SLC35F3: variants seen among roughly 807,000 people sequenced by gnomAD.
The protein encoded by SLC35F3 is solute carrier family 35 member F3.
SLC35F3 carries 25 observed loss-of-function variants against 49.9 expected under a neutral mutation model. That is an observed-to-expected ratio of 0.50 (90% CI 0.37 to 0.70). The LOEUF (loss-of-function observed/expected upper bound fraction) is 0.70. Ranked by LOEUF, SLC35F3 falls within the 30% of genes least tolerant of loss-of-function variation. The pLI is 0.00. For synonymous variants in SLC35F3, 275 were observed against 265.4 expected (o/e 1.04, Z -0.35); for missense variants, 525 against 639.8 (o/e 0.82, Z 1.94).
At position 234,270,942 on chromosome 1, in the gene SLC35F3, G is replaced by A. The variant is rs965335330; in HGVS notation, c.609-38159G>A. 1.2e-4 allele frequency among the ~76,000 whole-genome samples: 19 copies of A among 152,306 alleles called. 1 individual carries two copies. The highest frequency in any genetic ancestry group is 4.1e-4 in the South Asian group (2 of 4,826). On this transcript the variant is annotated intron_variant, in intron 3 of 7. Coordinates refer to ENST00000366618, the MANE Select transcript of SLC35F3 (RefSeq NM_173508.4). The stretch of plus-strand genomic sequence containing the variant: ...TAGTGTTGACCAGTGCCAATTCTAT[G>A]CATGTTGTGATATGGGAAAACATGG...
chr1:234,210,663 G>T (rs1226989425), intron 2 of SLC35F3, among the ~76,000 whole-genome samples: 1 of 152,210 alleles, frequency 6.6e-6, no homozygotes. Context: ...AAGCAGCAAA[G>T]CATTCAACAG....
At chr1:234,126,467 CCT>C (rs1166328072) in intron 2 of SLC35F3, among the ~76,000 whole-genome samples, 4 of 78,716 alleles carry the variant, frequency 5.1e-5, no homozygotes, top group Non-Finnish European at 8.4e-5. Context: ...CTGATCTGCC[CCT>C]GTTTTACATG....
At position 234,163,409 on chromosome 1, in the gene SLC35F3, C is replaced by T. The variant is rs142383163; in HGVS notation, c.284-68008C>T. Among the ~76,000 whole-genome samples, 222 of 152,102 alleles carry T rather than the reference C, an allele frequency of 1.5e-3. 1 individual carries two copies. Among genetic ancestry groups the T allele is most frequent in the African/African-American group, 5.1e-3 (210 of 41,492 alleles). On this transcript the variant is annotated intron_variant, in intron 2 of 7. Transcript: ENST00000366618. ...ACACACAGAATGGGACAGAGGAAGGCGGAGACAAAGACAGACGTCCTGTAG... is the reference window on the plus strand; with the variant it reads ...ACACACAGAATGGGACAGAGGAAGGTGGAGACAAAGACAGACGTCCTGTAG...
At chr1:234,121,829 T>G (rs1253269016) in intron 2 of SLC35F3, among the ~76,000 whole-genome samples, 1 of 152,206 alleles carries the variant, frequency 6.6e-6, no homozygotes, top group Non-Finnish European at 1.5e-5. Flanking sequence ...TTTTCTGTCC[T>G]TATGATAGTT....
chr1:233,940,997 T>A (rs531319898), intron 2 of SLC35F3, among the ~76,000 whole-genome samples: 3 of 152,330 alleles, frequency 2.0e-5, no homozygotes, highest in African/African-American at 7.2e-5. Context: ...CATAAACTTA[T>A]TTTTCATTAT....
rs948892155 is a variant in SLC35F3 at position 234,087,730 on chromosome 1, A to G, written c.284-143687A>G. On this transcript the variant is annotated intron_variant, in intron 2 of 7. Coordinates refer to ENST00000366618, the MANE Select transcript of SLC35F3 (RefSeq NM_173508.4). Reference sequence around the variant, plus strand: ...CCCAGAAACAAATTCAAGGTCCTTAAATGTGAAGTCCCGGGTGGTCTAACC... The same window carrying G: ...CCCAGAAACAAATTCAAGGTCCTTAGATGTGAAGTCCCGGGTGGTCTAACC... Among the ~76,000 whole-genome samples, 2 of 152,258 alleles carry G rather than the reference A, an allele frequency of 1.3e-5. 1 individual carries two copies. Among genetic ancestry groups the G allele is most frequent in the Admixed American group, 1.3e-4 (2 of 15,294 alleles).
intron 3 of SLC35F3, among the ~76,000 whole-genome samples, chr1:234,249,844 A>T (rs1026085159): frequency 6.6e-6 from 1 of 152,230 alleles, no homozygotes; most frequent in African/African-American, 2.4e-5. Context: ...CATCCCCCGA[A>T]GTGTGTTCCA....
At chr1:234,226,331 G>A (rs1417429867) in intron 2 of SLC35F3, among the ~76,000 whole-genome samples, 3 of 151,880 alleles carry the variant, frequency 2.0e-5, no homozygotes, top group Non-Finnish European at 2.9e-5. Flanking sequence ...CCCCGCTCTG[G>A]GTCCCTTACC....
intron 2 of SLC35F3, among the ~76,000 whole-genome samples, chr1:234,057,097 CCTT>C (rs1664468915): frequency 6.6e-6 from 1 of 152,058 alleles, no homozygotes; most frequent in South Asian, 2.1e-4. Flanking sequence ...AAGTGTGACT[CCTT>C]CTATTTTGCT....
chr1:234,261,357 G>A (rs575929915), intron 3 of SLC35F3, among the ~76,000 whole-genome samples: 1 of 152,292 alleles, frequency 6.6e-6, no homozygotes, highest in Non-Finnish European at 1.5e-5. Context: ...CTGGGAAAGG[G>A]GCAGGGAATT....
chr1:234,250,555 G>A (rs2102962837), intron 3 of SLC35F3, among the ~76,000 whole-genome samples: 1 of 150,760 alleles, frequency 6.6e-6, no homozygotes, highest in South Asian at 2.1e-4. Context: ...TTGGGAGGCT[G>A]AGGCAGGAGA....
At chr1:234,132,573 C>A (rs1029087362) in intron 2 of SLC35F3, among the ~76,000 whole-genome samples, 2 of 152,150 alleles carry the variant, frequency 1.3e-5, no homozygotes, top group Admixed American at 6.5e-5. Context: ...TCAAAAGAAA[C>A]ATTGTGTATT....
intron 2 of SLC35F3, among the ~76,000 whole-genome samples, chr1:233,941,962 G>GTTTTTT (rs547024039): frequency 1.7e-5 from 2 of 118,912 alleles, no homozygotes; most frequent in Non-Finnish European, 1.8e-5. Flanking sequence ...TTGTTTTTTT[G>GTTTTTT]TTTTTTTTTT....
chr1:234,076,035 C>A (rs1664786924), intron 2 of SLC35F3, among the ~76,000 whole-genome samples: 1 of 152,146 alleles, frequency 6.6e-6, no homozygotes, highest in African/African-American at 2.4e-5. Context: ...ATGTTATTTT[C>A]TTCTGGGTAT....
At chr1:233,975,488 G>T (rs889307998) in intron 2 of SLC35F3, among the ~76,000 whole-genome samples, 2 of 152,244 alleles carry the variant, frequency 1.3e-5, no homozygotes, top group African/African-American at 2.4e-5. Context: ...GATTGTGTTT[G>T]GGGGGAGAAT....
chr1:234,103,736 C>G (rs548709463), intron 2 of SLC35F3, among the ~76,000 whole-genome samples: 4 of 152,168 alleles, frequency 2.6e-5, no homozygotes, highest in African/African-American at 9.7e-5. Context: ...TCCATTAGCC[C>G]GCATTATTGT....
rs559162758 is a variant in SLC35F3 at position 234,257,768 on chromosome 1, T to C, written c.608+26027T>C. Among the ~76,000 whole-genome samples the C allele has an allele frequency of 2.0e-4, 30 of 152,348 alleles. No homozygotes were observed. The East Asian group carries it at 3.1e-3, about 16-fold the overall frequency. ...CATAAAATCAAGCAAAACTAATAGC[T>C]AATACAGTGGATGGCCGTATTGAGA... is the stretch of plus-strand genomic sequence containing the variant. On this transcript the variant is annotated intron_variant, in intron 3 of 7. Transcript: ENST00000366618.
intron 2 of SLC35F3, among the ~76,000 whole-genome samples, chr1:234,025,877 T>G (rs1663970646): frequency 7.6e-6 from 1 of 131,954 alleles, no homozygotes; most frequent in Admixed American, 7.2e-5. Context: ...ATAAATTATT[T>G]GCCAAATTGA....
intron 2 of SLC35F3, among the ~76,000 whole-genome samples, chr1:233,925,019 C>A (rs1227297863): frequency 1.3e-5 from 2 of 152,246 alleles, no homozygotes; most frequent in East Asian, 1.9e-4. Flanking sequence ...AATTTCTGTT[C>A]TTTTACATTT....
Sources: gnomAD v4.1 joint callset for allele counts (sites outside exome capture counted in the v4.1 genomes callset) on GRCh38, gnomAD v4.1.1 for gene constraint, MANE v1.5 for transcripts, NCBI Gene and HGNC (gene_info 2026-07-23, HGNC 2026-07-21) for gene names.